The following MBD5 variants were observed in gnomAD, a reference collection of about 807,000 sequenced individuals.
The protein encoded by MBD5 is methyl-CpG-binding domain protein 5.
In MBD5, 13 loss-of-function variants were observed where a neutral mutation model predicts 117.3. That is an observed-to-expected ratio of 0.11 (90% CI 0.07 to 0.18). MBD5 has a LOEUF of 0.18. MBD5 is among the 10% of genes least tolerant of loss of function. MBD5 has a pLI of 1.00. For synonymous variants in MBD5, 727 were observed against 766.4 expected (o/e 0.95, Z 0.85); for missense variants, 1,879 against 2,093.8 (o/e 0.90, Z 2.00).
chr2:148,095,905 T>C (rs1277596238), intron 1 of MBD5, among the ~76,000 whole-genome samples: 1 of 152,084 alleles, frequency 6.6e-6, no homozygotes, highest in Non-Finnish European at 1.5e-5. Context: ...TGAGGTACAA[T>C]TTTCTCTTGA....
At chr2:148,251,148 T>G (rs767216945) in intron 3 of MBD5, among the ~76,000 whole-genome samples, 3 of 151,954 alleles carry the variant, frequency 2.0e-5, no homozygotes, top group Non-Finnish European at 4.4e-5. Flanking sequence ...AAGGCAGGAG[T>G]GCCTGACCTC....
intron 3 of MBD5, among the ~76,000 whole-genome samples, chr2:148,322,242 T>A (rs923137359): frequency 3.9e-5 from 6 of 152,242 alleles, no homozygotes; most frequent in East Asian, 1.9e-4. Flanking sequence ...GAATGTAAAT[T>A]GGCTTATACA....
At chr2:148,401,090 G>A (rs1157635878) in intron 4 of MBD5, among the ~76,000 whole-genome samples, 1 of 152,066 alleles carries the variant, frequency 6.6e-6, no homozygotes. Context: ...GAATGACTTT[G>A]CGAAATACCT....
At chr2:148,153,679 T>A (rs1196888981) in intron 1 of MBD5, among the ~76,000 whole-genome samples, 12 of 141,896 alleles carry the variant, frequency 8.5e-5, no homozygotes, top group African/African-American at 3.2e-4. Flanking sequence ...TCTCGCTTCA[T>A]TTCATTCATT....
At chr2:148,298,602 T>C (rs1321897005) in intron 3 of MBD5, among the ~76,000 whole-genome samples, 1 of 152,226 alleles carries the variant, frequency 6.6e-6, no homozygotes, top group Non-Finnish European at 1.5e-5. Context: ...TCCTCATCCA[T>C]TCCAGAAGTG....
chr2:148,313,972 A>G lies in MBD5; in HGVS notation c.-679-28242A>G, dbSNP rs1277884451. Among the ~76,000 whole-genome samples, 2 of 151,538 alleles carry G rather than the reference A, an allele frequency of 1.3e-5. 1 individual carries two copies. The highest frequency in any genetic ancestry group is 6.4e-3 in the Middle Eastern group (2 of 314). On this transcript the variant is annotated intron_variant, in intron 3 of 13. Transcript: ENST00000642680. ...TGCTTGCCCTCCATGGGCTGCACCC[A>G]CTGTCTGACCAATCTCAATGTGGTA...
chr2:148,080,009 GGT>G (rs1695609943), intron 1 of MBD5, among the ~76,000 whole-genome samples: 1 of 152,006 alleles, frequency 6.6e-6, no homozygotes, highest in Non-Finnish European at 1.5e-5. Flanking sequence ...ATCTCTATCA[GGT>G]AAAGACATTG....
chr2:148,442,923 A>G (rs1290059583), intron 4 of MBD5, among the ~76,000 whole-genome samples: 1 of 151,502 alleles, frequency 6.6e-6, no homozygotes, highest in Non-Finnish European at 1.5e-5. Flanking sequence ...AAGCTTCTGT[A>G]CAACCAAGAA....
Position 148,208,256 on chromosome 2 carries a change from CATTTT to C in MBD5, c.-830-24983_-830-24979del, listed in dbSNP as rs763219341. On this transcript the variant is annotated intron_variant, in intron 2 of 13. Coordinates refer to ENST00000642680, the MANE Select transcript of MBD5 (RefSeq NM_001378120.1). ...ACTTTTATTTTATTTTACTTTATTT[CATTTT>C]ATTTTTTGAAAATAGGGTCTTACTC... Among the ~76,000 whole-genome samples, 13 of 152,036 alleles carry C rather than the reference CATTTT, an allele frequency of 8.6e-5. No individual in the cohort carries two copies. In the East Asian group the frequency reaches 1.4e-3, roughly 16 times the overall value.
chr2:148,363,503 G>A lies in MBD5; in HGVS notation c.-557+21167G>A, dbSNP rs942966577. ...CTACCTCGGCCTCCCAAAGTGCTGG[G>A]ATTACAGGCATGAGCCACCACACGC... is the stretch of plus-strand genomic sequence containing the variant. On this transcript the variant is annotated intron_variant, in intron 4 of 13. Transcript: ENST00000642680. Among the ~76,000 whole-genome samples the A allele has an allele frequency of 1.4e-4, 22 of 152,126 alleles. 1 individual carries two copies. Among genetic ancestry groups the A allele is most frequent in the Admixed American group, 1.4e-3 (22 of 15,274 alleles).
intron 3 of MBD5, among the ~76,000 whole-genome samples, chr2:148,255,204 C>CT (rs1205454986): frequency 6.6e-6 from 1 of 152,180 alleles, no homozygotes; most frequent in Non-Finnish European, 1.5e-5. Flanking sequence ...TAGAAGCTAA[C>CT]TTTTTGTCCC....
intron 2 of MBD5, among the ~76,000 whole-genome samples, chr2:148,228,506 G>A (rs374108052): frequency 6.6e-6 from 1 of 152,094 alleles, no homozygotes; most frequent in African/African-American, 2.4e-5. Context: ...TGCTGGATTT[G>A]GTTTGCCAGT....
chr2:148,187,717 T>A (rs1400507751), intron 2 of MBD5, among the ~76,000 whole-genome samples: 8 of 151,740 alleles, frequency 5.3e-5, no homozygotes, highest in African/African-American at 1.9e-4. Context: ...AATGATGACA[T>A]TTTCAGAAAA....
At chr2:148,424,177 CAAAAAAAAAAAAAAAAAAA>C (rs56740583) in intron 4 of MBD5, among the ~76,000 whole-genome samples, 196 of 53,444 alleles carry the variant, frequency 3.7e-3, no homozygotes, top group African/African-American at 8.2e-3. Context: ...GACTCTGTCT[CAAAAAAAAAAAAAAAAAAA>C]AAAAAAAAAA....
At position 148,151,461 on chromosome 2, in the gene MBD5, T is replaced by C. The variant is rs570437417; in HGVS notation, c.-924-27239T>C. Reference sequence around the variant, plus strand: ...TCAGAATGATGCTGGCCTCATAAAATGAGTTAGGGAGGATTCCCTCTTTTT... The same window carrying C: ...TCAGAATGATGCTGGCCTCATAAAACGAGTTAGGGAGGATTCCCTCTTTTT... On this transcript the variant is annotated intron_variant, in intron 1 of 13. Transcript: ENST00000642680. Among the ~76,000 whole-genome samples the C allele has an allele frequency of 5.2e-4, 79 of 152,386 alleles. 1 individual carries two copies. The highest frequency in any genetic ancestry group is 2.3e-3 in the South Asian group (11 of 4,832).
chr2:148,164,000 A>T (rs1698070492), intron 1 of MBD5, among the ~76,000 whole-genome samples: 1 of 152,098 alleles, frequency 6.6e-6, no homozygotes, highest in African/African-American at 2.4e-5. Flanking sequence ...TCTTTTACTA[A>T]TTTTTTCATG....
At chr2:148,262,273 C>T (rs1298249208) in intron 3 of MBD5, among the ~76,000 whole-genome samples, 1 of 151,892 alleles carries the variant, frequency 6.6e-6, no homozygotes, top group Non-Finnish European at 1.5e-5. Context: ...TTTATTCCTG[C>T]ACTGGGGAAA....
At chr2:148,102,396 A>C (rs1428539772) in intron 1 of MBD5, among the ~76,000 whole-genome samples, 4 of 152,164 alleles carry the variant, frequency 2.6e-5, no homozygotes, top group Non-Finnish European at 5.9e-5. Context: ...CTCACAGTTC[A>C]TAGGAGTGTG....
At chr2:148,322,585 A>G (rs10199100) in intron 3 of MBD5, among the ~76,000 whole-genome samples, 1,916 of 152,212 alleles carry the variant, frequency 0.013, 40 homozygotes, top group African/African-American at 0.043. Flanking sequence ...CAAGACTTAC[A>G]TACCTTGATT....
Sources: gnomAD v4.1 joint callset for allele counts (sites outside exome capture counted in the v4.1 genomes callset) on GRCh38, gnomAD v4.1.1 for gene constraint, MANE v1.5 for transcripts, NCBI Gene and HGNC (gene_info 2026-07-23, HGNC 2026-07-21) for gene names.